CCNDBP1: variants seen among roughly 807,000 people sequenced by gnomAD.
CCNDBP1 encodes cyclin-D1-binding protein 1.
Under a neutral mutation model 46.2 loss-of-function variants are expected in CCNDBP1, and 45 were observed. That is an observed-to-expected ratio of 0.97 (90% CI 0.77 to 1.25). The LOEUF is 1.25. Ranked by LOEUF, CCNDBP1 falls within the 50% of genes most tolerant of loss-of-function variation. The probability of loss-of-function intolerance (pLI) is 0.00; values close to 1 mark genes in which losing one functional copy is unlikely to be tolerated. For missense variants in CCNDBP1, 436 were observed against 442.1 expected, an observed-to-expected ratio of 0.99 and a Z score of 0.12; for synonymous variants, 154 against 163.6, an observed-to-expected ratio of 0.94 and a Z score of 0.45.
chr15:43,190,942 G>T lies in CCNDBP1; in HGVS notation c.503-24G>T, dbSNP rs768994221. 5.0e-6 allele frequency: 8 copies of T among 1,588,796 alleles called. No homozygotes were observed. The South Asian group carries it at 8.8e-5, about 18-fold the overall frequency. The stretch of plus-strand genomic sequence containing the variant: ...TTGTTGGATTTCTCCTCTAATTCTA[G>T]TGCTTCTGATTTTTCACTCATAGAT... On this transcript the variant is annotated intron_variant, in intron 6 of 10. Coordinates refer to ENST00000300213, the MANE Select transcript of CCNDBP1 (RefSeq NM_012142.5).
At chr15:43,192,916 A>G (rs1429845234) in intron 9 of CCNDBP1, 113 bp downstream of exon 9, 12 of 930,482 alleles carry the variant, frequency 1.3e-5, no homozygotes, top group Non-Finnish European at 2.1e-5. Flanking sequence ...TTTGGATGGA[A>G]GTACAACAGT....
At chr15:43,192,663 T>C (rs537597664) in intron 8 of CCNDBP1, 80 bp from the exon 9 acceptor site, 2 of 1,288,946 alleles carry the variant, frequency 1.6e-6, no homozygotes, top group East Asian at 2.3e-5. Context: ...AGTTTCTCAC[T>C]GTTGACATCC....
At chr15:43,185,735 G>A (rs2041808337) in intron 1 of CCNDBP1, 85 bp from the exon 2 acceptor site, 1 of 1,482,962 alleles carries the variant, frequency 6.7e-7, no homozygotes, top group Non-Finnish European at 9.0e-7. Flanking sequence ...GCGGCGGGGA[G>A]CCGGGCTTGG....
chr15:43,188,119 A>T (rs1370452325), intron 3 of CCNDBP1, among the ~76,000 whole-genome samples: 4 of 152,166 alleles, frequency 2.6e-5, no homozygotes, highest in Non-Finnish European at 5.9e-5. Flanking sequence ...ACTCTCAGTC[A>T]CTGCTTATCT....
intron 3 of CCNDBP1, among the ~76,000 whole-genome samples, chr15:43,187,676 T>C (rs765233769): frequency 6.6e-6 from 1 of 152,180 alleles, no homozygotes; most frequent in Non-Finnish European, 1.5e-5. Context: ...TATTACCTTA[T>C]TTTTCTTATC....
At position 43,196,320 on chromosome 15, in the gene CCNDBP1, C is replaced by T. The variant is rs1174137143; in HGVS notation, c.*1479C>T. The T allele has an allele frequency of 8.8e-6, 1 of 113,286 alleles. No homozygotes were observed. The highest frequency in any genetic ancestry group is 1.7e-5 in the Non-Finnish European group (1 of 60,264). 7.0% of individuals were successfully genotyped at this position (113,286 alleles called of 1,614,324 possible). On this transcript the variant is annotated 3_prime_UTR_variant, in exon 11 of 11. Coordinates refer to ENST00000300213, the MANE Select transcript of CCNDBP1 (RefSeq NM_012142.5). ...TTTTTTTTTGAGATGGAGTCTTGCT[C>T]TGTCCCCCAAGCTGGAGTGCAGTGG...
In CCNDBP1 at chr15:43,190,359, G is replaced by T. The variant is rs776873138; in HGVS notation, c.463G>T (p.Val155Phe). The T allele has an allele frequency of 6.2e-7, 1 of 1,614,156 alleles. No individual in the cohort carries two copies. The highest frequency in any genetic ancestry group is 8.5e-7 in the Non-Finnish European group (1 of 1,180,032). Residue 155 changes from valine (V) to phenylalanine (F), a missense_variant, in exon 6 of 11, where the codon GTC (valine) becomes TTC (phenylalanine). Val to Phe is a conservative substitution (Grantham distance 50). Coordinates refer to ENST00000300213, the MANE Select transcript of CCNDBP1 (RefSeq NM_012142.5). ...ENNDLISYNSVWVACQQMPQI... is the reference protein window; with the variant it reads ...ENNDLISYNSFWVACQQMPQI... ...CAATGACCTTATTTCCTACAACAGT[G>T]TCTGGGTTGCGTGCCAGCAGATGCC... is the stretch of plus-strand genomic sequence containing the variant.
At position 43,197,012 on chromosome 15, in the gene CCNDBP1, G is replaced by A. The variant is rs1302199602; in HGVS notation, c.*2171G>A. On this transcript the variant is annotated 3_prime_UTR_variant, in exon 11 of 11. Transcript: ENST00000300213. The stretch of plus-strand genomic sequence containing the variant: ...AGAGCTGGCTGTTAAAACGAGGCTG[G>A]CACCTGGCACTTACCCCTACCCCTC... 4.1e-5 allele frequency: 17 copies of A among 419,148 alleles called. No homozygotes were observed. The allele number at this position is 419,148 out of a possible 1,614,324, so 26.0% of individuals were successfully genotyped here.
rs2042025134 is a variant in CCNDBP1, at chr15:43,195,319, AAC to A, written c.*481_*482del. ...CTAATCAGAAGTATATTTAGAACAA[AAC>A]ACTTTATTTATAAAAGATGACTCCA... On this transcript the variant is annotated 3_prime_UTR_variant, in exon 11 of 11. Transcript: ENST00000300213. 1 of 152,568 alleles carries A rather than the reference AAC, an allele frequency of 6.6e-6. No individual in the cohort carries two copies. Among genetic ancestry groups the A allele is most frequent in the South Asian group, 2.1e-4 (1 of 4,830 alleles). 9.5% of individuals were successfully genotyped at this position (152,568 alleles called of 1,614,324 possible).
At position 43,194,416 on chromosome 15, in the gene CCNDBP1, C is replaced by A. The variant is rs1003145014; in HGVS notation, c.923C>A (p.Ser308Tyr). 3.2e-5 allele frequency: 52 copies of A among 1,603,790 alleles called. No individual in the cohort carries two copies. Among genetic ancestry groups the A allele is most frequent in the Non-Finnish European group, 4.1e-5 (48 of 1,176,928 alleles). ...ATAACTTCTGTGTTTCTTTTCTAGT[C>A]TGCGAAACTTGTATCTGTTTTAAAG... Reference protein sequence around the residue: ...PMCHLTVRINSAKLVSVLKKA... With the variant: ...PMCHLTVRINYAKLVSVLKKA... Residue 308 changes from serine (S) to tyrosine (Y), a missense_variant and splice_region_variant, in exon 10 of 11, where the codon TCT becomes TAT. Ser to Tyr is a moderately radical substitution (Grantham distance 144). Transcript: ENST00000300213.
intron 3 of CCNDBP1, chr15:43,188,684 A>AT (rs1183675857): frequency 1.3e-5 from 2 of 152,284 alleles, no homozygotes; most frequent in Non-Finnish European, 2.9e-5. Flanking sequence ...TTGTCAGCCC[A>AT]ATATCTACTA....
intron 6 of CCNDBP1, 92 bp from the exon 7 acceptor site, chr15:43,190,874 A>G: frequency 9.5e-7 from 1 of 1,052,280 alleles, no homozygotes; most frequent in Admixed American, 1.8e-5. Flanking sequence ...TGGCACTCCC[A>G]TCAATAGGAA....
At position 43,195,447 on chromosome 15, in the gene CCNDBP1, A is replaced by G. The variant is rs1567266900; in HGVS notation, c.*606A>G. 6.6e-6 allele frequency: 1 copy of G among 152,176 alleles called. No homozygotes were observed. The highest frequency in any genetic ancestry group is 1.5e-5 in the Non-Finnish European group (1 of 68,026). 9.4% of individuals were successfully genotyped at this position (152,176 alleles called of 1,614,324 possible). A position where few individuals can be genotyped will look rare whatever the true frequency, so the allele number is the denominator to read the frequency against. On this transcript the variant is annotated 3_prime_UTR_variant, in exon 11 of 11. Coordinates refer to ENST00000300213, the MANE Select transcript of CCNDBP1 (RefSeq NM_012142.5). Reference sequence around the variant, plus strand: ...ATGTCTCTAAAATATATTGGCATTGAGCTCATTTGTTAGGTTTGCCCACCT... The same window carrying G: ...ATGTCTCTAAAATATATTGGCATTGGGCTCATTTGTTAGGTTTGCCCACCT...
rs375209626 is a variant in CCNDBP1 at position 43,190,325 on chromosome 15, C to G, written c.429C>G (p.Ser143Arg). 1 of 1,613,924 alleles carries G rather than the reference C, an allele frequency of 6.2e-7. No homozygotes were observed. Among genetic ancestry groups the G allele is most frequent in the African/African-American group, 1.3e-5 (1 of 74,906 alleles). The change falls in exon 6 of 11, where the codon AGC becomes AGG. Residue 143 changes from serine (S) to arginine (R), a missense_variant and splice_region_variant. Ser to Arg is a moderately radical substitution (Grantham distance 110). Coordinates refer to ENST00000300213, the MANE Select transcript of CCNDBP1 (RefSeq NM_012142.5). ...MEVLSVTPTQ[S>R]PENNDLISYN... ...TATCCTTACTGATTTCTTTCCCCAG[C>G]CCTGAGAACAATGACCTTATTTCCT...
chr15:43,194,688 T>C (rs1231206284), intron 10 of CCNDBP1, 39 bp from the exon 11 acceptor site: 7 of 1,464,110 alleles, frequency 4.8e-6, no homozygotes, highest in Non-Finnish European at 6.7e-6. Flanking sequence ...CTTGACATCC[T>C]AATAAGTTTA....
In CCNDBP1 at chr15:43,185,485, G is replaced by C. The variant is rs1319544884; in HGVS notation, c.-14G>C. 2.5e-6 allele frequency: 4 copies of C among 1,572,312 alleles called. No homozygotes were observed. The highest frequency in any genetic ancestry group is 3.4e-6 in the Non-Finnish European group (4 of 1,163,138). On this transcript the variant is annotated 5_prime_UTR_variant, in exon 1 of 11. Transcript: ENST00000300213. Reference sequence around the variant, plus strand: ...GCGGAGGCCTGTGTTTGCGGCCTTCGGCAAGCGACTGAGATGGCGAGCGCA... The same window carrying C: ...GCGGAGGCCTGTGTTTGCGGCCTTCCGCAAGCGACTGAGATGGCGAGCGCA...
In CCNDBP1 at chr15:43,186,207, T is replaced by A; in HGVS notation, c.223T>A (p.Ser75Thr). ...REATTLTIVF[S>T]QLPLPSPQET... is the part of the protein sequence containing the mutation. The stretch of plus-strand genomic sequence containing the variant: ...AGCCACGACTCTGACCATAGTCTTC[T>A]CTCAGCTTCCACTGCCGTCTCCACA... The change falls in exon 3 of 11, where the codon TCT (serine) becomes ACT (threonine). Residue 75 changes from serine (S) to threonine (T), a missense_variant. Coordinates refer to ENST00000300213, the MANE Select transcript of CCNDBP1 (RefSeq NM_012142.5). The A allele has an allele frequency of 2.5e-6, 4 of 1,614,160 alleles. No individual in the cohort carries two copies. The highest frequency in any genetic ancestry group is 3.4e-6 in the Non-Finnish European group (4 of 1,179,982).
Position 43,196,889 on chromosome 15 carries a change from G to T in CCNDBP1, c.*2048G>T. The T allele has an allele frequency of 3.7e-6, 1 of 273,718 alleles. No homozygotes were observed. Among genetic ancestry groups the T allele is most frequent in the Non-Finnish European group, 7.2e-6 (1 of 139,140 alleles). 17.0% of individuals were successfully genotyped at this position (273,718 alleles called of 1,614,324 possible). A position where few individuals can be genotyped will look rare whatever the true frequency, so the allele number is the denominator to read the frequency against. ...AAATTGGATTCCCAGTGTTGGAGGT[G>T]GGGCCTAATGGGAGGTGTTTGGATC... is the stretch of plus-strand genomic sequence containing the variant. On this transcript the variant is annotated 3_prime_UTR_variant, in exon 11 of 11. Coordinates refer to ENST00000300213, the MANE Select transcript of CCNDBP1 (RefSeq NM_012142.5).
intron 6 of CCNDBP1, 107 bp downstream of exon 6, chr15:43,190,505 T>G (rs981760957): frequency 4.0e-5 from 30 of 741,556 alleles, no homozygotes; most frequent in Non-Finnish European, 6.2e-5. Flanking sequence ...AACAGTCTAG[T>G]GAAATATATA....
Sources: gnomAD v4.1 joint callset for allele counts (sites outside exome capture counted in the v4.1 genomes callset) on GRCh38, gnomAD v4.1.1 for gene constraint, MANE v1.5 for transcripts, NCBI Gene and HGNC (gene_info 2026-07-23, HGNC 2026-07-21) for gene names.